TAOK1: variants seen among roughly 807,000 people sequenced by gnomAD.
TAOK1 encodes TAO kinase 1, also known as serine/threonine-protein kinase TAO1.
A neutral mutation model predicts 138.3 loss-of-function variants in TAOK1; 21 were observed. The ratio of observed to expected loss-of-function variants is 0.15; its 90% CI spans 0.11 to 0.22. The LOEUF (loss-of-function observed/expected upper bound fraction) is 0.22. Among genes scored for constraint, TAOK1 ranks in the 10% least tolerant of loss-of-function variants. TAOK1 has a pLI of 1.00. For missense variants in TAOK1, 651 were observed against 1,227.7 expected (o/e 0.53, Z 7.02); for synonymous variants, 361 against 398.4 (o/e 0.91, Z 1.12).
At chr17:29,392,339 T>A (rs867565335) in intron 1 of TAOK1, among the ~76,000 whole-genome samples, 30 of 152,216 alleles carry the variant, frequency 2.0e-4, no homozygotes, top group African/African-American at 4.8e-4. Context: ...GGATTTTTTT[T>A]AAAATGGTAA....
At chr17:29,475,260 T>C (rs1023414504) in intron 3 of TAOK1, among the ~76,000 whole-genome samples, 6 of 152,196 alleles carry the variant, frequency 3.9e-5, no homozygotes, top group Admixed American at 2.6e-4. Context: ...ATTTAAACTT[T>C]TTAATTTTGA....
intron 18 of TAOK1, among the ~76,000 whole-genome samples, chr17:29,530,962 A>ATTT (rs66788063): frequency 4.2e-5 from 4 of 96,192 alleles, no homozygotes; most frequent in African/African-American, 1.3e-4. Context: ...ACAAGTACAA[A>ATTT]TTTTTTTTTT....
intron 1 of TAOK1, among the ~76,000 whole-genome samples, chr17:29,438,852 A>G (rs1906119581): frequency 6.6e-6 from 1 of 152,220 alleles, no homozygotes; most frequent in Non-Finnish European, 1.5e-5. Context: ...GTAATTATTT[A>G]GTCTACTGTT....
chr17:29,435,796 T>C (rs933091149), intron 1 of TAOK1, among the ~76,000 whole-genome samples: 6 of 152,240 alleles, frequency 3.9e-5, no homozygotes, highest in African/African-American at 1.4e-4. Context: ...GAAAAATGAA[T>C]TCTCATTGCA....
intron 2 of TAOK1, among the ~76,000 whole-genome samples, chr17:29,452,817 ATTC>A (rs1362483103): frequency 1.3e-5 from 2 of 152,202 alleles, no homozygotes; most frequent in East Asian, 1.9e-4. Context: ...TGAGAACTTC[ATTC>A]TTCTTTATAG....
At chr17:29,460,675 A>C (rs1395753400) in intron 2 of TAOK1, among the ~76,000 whole-genome samples, 1 of 152,228 alleles carries the variant, frequency 6.6e-6, no homozygotes, top group Non-Finnish European at 1.5e-5. Flanking sequence ...AGTACAACAG[A>C]AATATTTTAT....
chr17:29,420,585 G>GTT (rs71360703), intron 1 of TAOK1, among the ~76,000 whole-genome samples: 49,342 of 123,334 alleles, frequency 0.4, 11,683 homozygotes, highest in East Asian at 0.86. Flanking sequence ...TACTTAATCT[G>GTT]TTTTTTTTTT....
intron 1 of TAOK1, among the ~76,000 whole-genome samples, chr17:29,401,748 G>GA (rs1383999383): frequency 1.3e-5 from 2 of 151,662 alleles, no homozygotes; most frequent in African/African-American, 2.4e-5. Context: ...TCTGCCTCTT[G>GA]GGCTCAAGCA....
At chr17:29,395,339 T>TGA (rs576571014) in intron 1 of TAOK1, among the ~76,000 whole-genome samples, 85 of 152,116 alleles carry the variant, frequency 5.6e-4, no homozygotes, top group African/African-American at 2.0e-3. Context: ...GAAACCAGCC[T>TGA]GGCCAACAAA....
At chr17:29,444,047 A>G (rs1411641819) in intron 1 of TAOK1, among the ~76,000 whole-genome samples, 2 of 152,014 alleles carry the variant, frequency 1.3e-5, no homozygotes, top group Non-Finnish European at 2.9e-5. Flanking sequence ...CTCGGGAGAC[A>G]GAGGTTGCAA....
chr17:29,453,246 G>A (rs1402260592), intron 2 of TAOK1, among the ~76,000 whole-genome samples: 6 of 145,320 alleles, frequency 4.1e-5, no homozygotes, highest in Non-Finnish European at 7.4e-5. Context: ...TGCAAGCTCC[G>A]CCTCCCGGGT....
At chr17:29,488,576 AAAT>A (rs150004739) in intron 8 of TAOK1, among the ~76,000 whole-genome samples, 2,388 of 145,456 alleles carry the variant, frequency 0.016, 29 homozygotes, top group African/African-American at 0.035. Context: ...ACATCTCAAA[AAAT>A]AATAATAATA....
chr17:29,514,510 C>T (rs572399641), intron 15 of TAOK1: 1 of 152,238 alleles, frequency 6.6e-6, no homozygotes, highest in African/African-American at 2.4e-5. Context: ...CAGACGCATA[C>T]CACCATGCCC....
At chr17:29,476,915 G>A (rs1414483607) in intron 4 of TAOK1, among the ~76,000 whole-genome samples, 1 of 151,788 alleles carries the variant, frequency 6.6e-6, no homozygotes, top group Non-Finnish European at 1.5e-5. Context: ...GCGCAATCAC[G>A]GCTCACTGCA....
At position 29,397,788 on chromosome 17, in the gene TAOK1, T is replaced by C. The variant is rs1254347542; in HGVS notation, c.-95+6764T>C. 2.7e-5 allele frequency among the ~76,000 whole-genome samples: 4 copies of C among 148,370 alleles called. No homozygotes were observed. In the Admixed American group the frequency reaches 2.7e-4, roughly 10 times the overall value. ...ATGTATACATGTATATTCGTGTGTA[T>C]ATATGTATATTCATGTATGTATATA... On this transcript the variant is annotated intron_variant, in intron 1 of 19. Transcript: ENST00000261716.
In TAOK1 at chr17:29,544,007, A is replaced by G. The variant is rs17766675; in HGVS notation, c.*985A>G. 0.15 allele frequency: 23,610 copies of G among 152,542 alleles called. 2,099 individuals carry two copies. The highest frequency in any genetic ancestry group is 0.22 in the Middle Eastern group (64 of 294). The allele number at this position is 152,542 out of a possible 1,614,324, so 9.4% of individuals were successfully genotyped here. Reference sequence around the variant, plus strand: ...ATCCTAGCTAAGCTCTATAATGCCCAAGACCCCAAACAGTACTTTTACTTT... The same window carrying G: ...ATCCTAGCTAAGCTCTATAATGCCCGAGACCCCAAACAGTACTTTTACTTT... On this transcript the variant is annotated 3_prime_UTR_variant, in exon 20 of 20. Transcript: ENST00000261716.
rs180891053 is a variant in TAOK1 at position 29,429,533 on chromosome 17, C to T, written c.-94-21922C>T. 3.7e-3 allele frequency among the ~76,000 whole-genome samples: 566 copies of T among 152,270 alleles called. 13 individuals are homozygous for T. The highest frequency in any genetic ancestry group is 6.8e-3 in the Middle Eastern group (2 of 294). ...TCAAGTGATCCGGCTACCTCAGCCT[C>T]CCAAAATGCTGGGACTACAGGTGTG... On this transcript the variant is annotated intron_variant, in intron 1 of 19. Transcript: ENST00000261716.
At chr17:29,431,777 C>T (rs541179235) in intron 1 of TAOK1, among the ~76,000 whole-genome samples, 107 of 150,268 alleles carry the variant, frequency 7.1e-4, no homozygotes, top group African/African-American at 2.5e-3. Context: ...GCTGGGATTA[C>T]AGGTGCCCAC....
chr17:29,485,686 CAT>C (rs745409176), intron 8 of TAOK1, among the ~76,000 whole-genome samples: 19 of 152,290 alleles, frequency 1.2e-4, no homozygotes, highest in Non-Finnish European at 1.6e-4. Context: ...CAAAAGTACA[CAT>C]AGTCATTTTT....
Sources: allele counts gnomAD v4.1 joint callset (sites outside exome capture counted in the v4.1 genomes callset), GRCh38; gene constraint gnomAD v4.1.1; transcripts MANE v1.5; gene names NCBI Gene and HGNC (gene_info 2026-07-23, HGNC 2026-07-21).